FAT3: variants seen among roughly 807,000 people sequenced by gnomAD.
FAT3 encodes the protein protocadherin Fat 3.
FAT3 carries 95 observed loss-of-function variants against 310.2 expected under a neutral mutation model. The ratio of observed to expected loss-of-function variants is 0.31; its 90% confidence interval spans 0.26 to 0.36. The LOEUF (loss-of-function observed/expected upper bound fraction) is 0.36. Ranked by LOEUF, FAT3 falls within the 10% of genes least tolerant of loss-of-function variation. The pLI is 1.00. For missense variants in FAT3, 5,408 were observed against 5,715.6 expected, an observed-to-expected ratio of 0.95 and a Z score of 1.74; for synonymous variants, 2,314 against 2,192.9, an observed-to-expected ratio of 1.06 and a Z score of -1.54.
intron 4 of FAT3, among the ~76,000 whole-genome samples, chr11:92,707,525 A>C (rs1378374802): frequency 7.9e-5 from 12 of 152,164 alleles, no homozygotes. Context: ...GGTATTGCAC[A>C]ACTGGCTTCT....
rs775690798 is a variant in FAT3 at position 92,799,280 on chromosome 11, C to T, written c.6267C>T (p.Tyr2089=). ...CTCCAGTCTTTGTGGGCCTCCCATA[C>T]TATGCTGCTGTTCAAGTGGATGCGG... ...DNSPVFVGLP[Y]YAAVQVDAEP... The change falls in exon 10 of 28, where the codon TAC becomes TAT. Residue 2089 remains tyrosine (Y), a synonymous_variant. Transcript: ENST00000525166. The T allele has an allele frequency of 1.9e-6, 3 of 1,613,936 alleles. No homozygotes were observed. The highest frequency in any genetic ancestry group is 2.5e-6 in the Non-Finnish European group (3 of 1,179,872).
At chr11:92,566,290 C>T (rs1174100878) in intron 3 of FAT3, among the ~76,000 whole-genome samples, 1 of 152,118 alleles carries the variant, frequency 6.6e-6, no homozygotes, top group Non-Finnish European at 1.5e-5. Flanking sequence ...TTCACAATTG[C>T]TTCAAAGACA....
At chr11:92,226,618 G>T (rs925375112) in intron 1 of FAT3, among the ~76,000 whole-genome samples, 1 of 152,042 alleles carries the variant, frequency 6.6e-6, no homozygotes, top group Non-Finnish European at 1.5e-5. Flanking sequence ...GACGTCGGGG[G>T]CGGGGAGGCT....
chr11:92,230,594 C>T (rs1449002991), intron 1 of FAT3, among the ~76,000 whole-genome samples: 1 of 152,184 alleles, frequency 6.6e-6, no homozygotes, highest in Non-Finnish European at 1.5e-5. Flanking sequence ...GTCCTCAGCC[C>T]TGTTATTTAT....
chr11:92,495,752 A>T (rs1952734883), intron 2 of FAT3, among the ~76,000 whole-genome samples: 2 of 152,084 alleles, frequency 1.3e-5, no homozygotes, highest in South Asian at 2.1e-4. Context: ...GAGACATAAC[A>T]TCCAAAACAA....
chr11:92,285,096 C>A (rs956375768), intron 1 of FAT3, among the ~76,000 whole-genome samples: 19 of 152,104 alleles, frequency 1.2e-4, no homozygotes, highest in African/African-American at 4.6e-4. Flanking sequence ...GTCATTAAAT[C>A]AGTGAATATA....
Position 92,799,165 on chromosome 11 carries a change from A to T in FAT3, c.6152A>T (p.Glu2051Val). 1 of 1,613,940 alleles carries T rather than the reference A, an allele frequency of 6.2e-7. No individual in the cohort carries two copies. Among genetic ancestry groups the T allele is most frequent in the Non-Finnish European group, 8.5e-7 (1 of 1,179,868 alleles). The stretch of plus-strand genomic sequence containing the variant: ...GACCGTGAAGAACAAGAGTTATATG[A>T]GCTGGTGGTAGAAGCCAGCCGTGAG... ...PFDREEQELY[E>V]LVVEASRELD... The change falls in exon 10 of 28, where the codon GAG (glutamate) becomes GTG (valine). Residue 2051 changes from glutamate to valine, a missense_variant. Glu to Val is a moderately radical substitution (Grantham distance 121). Transcript: ENST00000525166.
intron 3 of FAT3, among the ~76,000 whole-genome samples, chr11:92,641,956 T>C (rs988739718): frequency 6.6e-6 from 1 of 152,178 alleles, no homozygotes; most frequent in Non-Finnish European, 1.5e-5. Context: ...CAACATGAGG[T>C]TGAAGGGAGG....
chr11:92,797,465 A>C (rs1947205542), intron 9 of FAT3, among the ~76,000 whole-genome samples: 1 of 152,180 alleles, frequency 6.6e-6, no homozygotes, highest in Non-Finnish European at 1.5e-5. Flanking sequence ...TGGGCTTCCC[A>C]ATCTATCTGT....
At chr11:92,458,165 G>A (rs948591065) in intron 2 of FAT3, among the ~76,000 whole-genome samples, 5 of 152,042 alleles carry the variant, frequency 3.3e-5, no homozygotes, top group Admixed American at 1.3e-4. Flanking sequence ...ATGAGACTAT[G>A]GTATTCCAGC....
chr11:92,335,958 C>A, intron 1 of FAT3: 1 of 376,762 alleles, frequency 2.7e-6, no homozygotes, highest in Non-Finnish European at 5.1e-6. Flanking sequence ...AGACTTTCAG[C>A]CCCTTTAATT....
intron 2 of FAT3, among the ~76,000 whole-genome samples, chr11:92,523,356 A>G (rs76873832): frequency 0.044 from 6,773 of 152,274 alleles, 185 homozygotes; most frequent in East Asian, 0.084. Flanking sequence ...ACCACTATGC[A>G]GAGTTCTTTG....
At chr11:92,239,018 A>G (rs918814816) in intron 1 of FAT3, among the ~76,000 whole-genome samples, 2 of 152,104 alleles carry the variant, frequency 1.3e-5, no homozygotes, top group Non-Finnish European at 2.9e-5. Context: ...CTTTACATGT[A>G]TTATCTCATT....
At chr11:92,856,599 A>G (rs1410751326) in intron 19 of FAT3, among the ~76,000 whole-genome samples, 1 of 152,206 alleles carries the variant, frequency 6.6e-6, no homozygotes, top group East Asian at 1.9e-4. Flanking sequence ...TCCCTTGCCA[A>G]GGATAATTCT....
rs537938545 is a variant in FAT3, at chr11:92,894,199, T to C, written c.*3086T>C. Reference sequence around the variant, plus strand: ...TTGCAGTCCCCCTAGGGAGAGGGGTTATAGAATTCATACATTTCTGTAGAC... The same window carrying C: ...TTGCAGTCCCCCTAGGGAGAGGGGTCATAGAATTCATACATTTCTGTAGAC... On this transcript the variant is annotated 3_prime_UTR_variant, in exon 28 of 28. Coordinates refer to ENST00000525166, the MANE Select transcript of FAT3 (RefSeq NM_001367949.2). The C allele has an allele frequency of 2.6e-5, 4 of 152,352 alleles. No homozygotes were observed. The highest frequency in any genetic ancestry group is 4.8e-5 in the African/African-American group (2 of 41,584). 9.4% of individuals were successfully genotyped at this position (152,352 alleles called of 1,614,324 possible). A position where few individuals can be genotyped will look rare whatever the true frequency, so the allele number is the denominator to read the frequency against.
intron 10 of FAT3, among the ~76,000 whole-genome samples, chr11:92,804,631 C>G (rs2136196853): frequency 6.6e-6 from 1 of 152,302 alleles, no homozygotes; most frequent in Non-Finnish European, 1.5e-5. Flanking sequence ...GGGCCCTCCT[C>G]TGTCGTGAAA....
At chr11:92,566,567 C>A (rs1313282254) in intron 3 of FAT3, among the ~76,000 whole-genome samples, 46 of 149,786 alleles carry the variant, frequency 3.1e-4, no homozygotes, top group African/African-American at 9.3e-4. Context: ...CAAAAAAGAG[C>A]CCGCATTGCC....
chr11:92,627,813 G>A (rs1452274580), intron 3 of FAT3, among the ~76,000 whole-genome samples: 1 of 152,188 alleles, frequency 6.6e-6, no homozygotes, highest in Non-Finnish European at 1.5e-5. Context: ...TAAATAGGGT[G>A]ATGGCATTAA....
Position 92,890,575 on chromosome 11 carries a change from G to T in FAT3, c.13232G>T (p.Gly4411Val), listed in dbSNP as rs2136443235. Residue 4411 changes from glycine to valine, a missense_variant, in exon 28 of 28, where the codon GGA (glycine) becomes GTA (valine). By Grantham distance (109) the Gly-to-Val change is moderately radical. This residue lies in a region of FAT3 where 649 missense variants were observed against 666.2 expected (regional missense o/e 0.97). Transcript: ENST00000525166. ...EEVPNYENQD[G>V]GSAHQGSTRE... Reference sequence around the variant, plus strand: ...GTGCCCAACTATGAGAACCAGGATGGAGGGTCTGCACACCAGGGGAGCACA... The same window carrying T: ...GTGCCCAACTATGAGAACCAGGATGTAGGGTCTGCACACCAGGGGAGCACA... 1 of 1,613,882 alleles carries T rather than the reference G, an allele frequency of 6.2e-7. No individual in the cohort carries two copies. Among genetic ancestry groups the T allele is most frequent in the Non-Finnish European group, 8.5e-7 (1 of 1,179,878 alleles).
Sources: allele counts gnomAD v4.1 joint callset (sites outside exome capture counted in the v4.1 genomes callset), GRCh38; gene constraint gnomAD v4.1.1; regional missense constraint gnomAD v4.1.1; transcripts MANE v1.5; gene names NCBI Gene and HGNC (gene_info 2026-07-23, HGNC 2026-07-21).